The following BDH1 variants were observed in gnomAD, a reference collection of about 807,000 sequenced individuals.
BDH1 encodes 3-hydroxybutyrate dehydrogenase 1.
BDH1 carries 30 observed loss-of-function variants against 33.1 expected under a neutral mutation model. That is an observed-to-expected ratio of 0.91 (90% CI 0.68 to 1.23). The LOEUF (loss-of-function observed/expected upper bound fraction) is 1.23, where lower values mean the gene tolerates loss of function less well. BDH1 is among the 50% of genes most tolerant of loss of function. The pLI is 0.00. For synonymous variants in BDH1, 190 were observed against 183.6 expected (o/e 1.03, Z -0.28); for missense variants, 443 against 464.4 (o/e 0.95, Z 0.42).
rs146758803 is a variant in BDH1 at position 197,522,932 on chromosome 3, C to T, written c.268-151G>A. 1.4e-4 allele frequency: 115 copies of T among 820,488 alleles called. 1 individual carries two copies. Among genetic ancestry groups the T allele is most frequent in the East Asian group, 2.4e-4 (9 of 37,376 alleles). The allele number at this position is 820,488 out of a possible 1,614,324, so 50.8% of individuals were successfully genotyped here. A position where few individuals can be genotyped will look rare whatever the true frequency, so the allele number is the denominator to read the frequency against. ...CCCATGGGCCTGGCCCACCAGCATGCGGTTCTTTTTAATCCTGAGCACTGA... is the reference window on the plus strand; with the variant it reads ...CCCATGGGCCTGGCCCACCAGCATGTGGTTCTTTTTAATCCTGAGCACTGA... On this transcript the variant is annotated intron_variant, in intron 5 of 7. Coordinates refer to ENST00000392379, the MANE Select transcript of BDH1 (RefSeq NM_203314.3). The surrounding 1 kb of genome is among the most constrained non-coding windows in gnomAD (Gnocchi z 4.8).
chr3:197,544,904 C>T (rs1426997577), intron 3 of BDH1, among the ~76,000 whole-genome samples: 3 of 152,244 alleles, frequency 2.0e-5, no homozygotes, highest in Middle Eastern at 3.4e-3. Context: ...AAAAATTAGC[C>T]GGGTGTGGTG....
At position 197,539,070 on chromosome 3, in the gene BDH1, T is replaced by C. The variant is rs1266816654; in HGVS notation, c.84-5509A>G. 5 of 152,256 alleles carry C rather than the reference T, an allele frequency of 3.3e-5. No individual in the cohort carries two copies. The East Asian group carries it at 9.6e-4, about 29-fold the overall frequency. 9.4% of individuals were successfully genotyped at this position (152,256 alleles called of 1,614,324 possible). A position where few individuals can be genotyped will look rare whatever the true frequency, so the allele number is the denominator to read the frequency against. ...CTAACCTCCAAGCCGTCCTTTTTCA[T>C]TCCTGGCTGTGGGCTGAGCTAGCTT... On this transcript the variant is annotated intron_variant, in intron 3 of 7. Coordinates refer to ENST00000392379, the MANE Select transcript of BDH1 (RefSeq NM_203314.3).
intron 5 of BDH1, among the ~76,000 whole-genome samples, chr3:197,532,197 C>T (rs1027692127): frequency 1.3e-5 from 2 of 151,980 alleles, no homozygotes; most frequent in Admixed American, 6.6e-5. Flanking sequence ...TAGCATTTGA[C>T]GAATGATGGA....
chr3:197,534,304 A>G (rs1384122153), intron 3 of BDH1: 2 of 152,242 alleles, frequency 1.3e-5, no homozygotes, highest in African/African-American at 4.8e-5. Context: ...AATTTCAAGA[A>G]TGTTATGTAA....
In BDH1 at chr3:197,514,534, C is replaced by T. The variant is rs201941300; in HGVS notation, c.410-118G>A. On this transcript the variant is annotated intron_variant, in intron 6 of 7. Coordinates refer to ENST00000392379, the MANE Select transcript of BDH1 (RefSeq NM_203314.3). The surrounding 1 kb of genome is among the most constrained non-coding windows in gnomAD (Gnocchi z 4.2). The stretch of plus-strand genomic sequence containing the variant: ...TCCTGTGACTTCCCAGCCTCTCGCC[C>T]AGTGCTCTCAAGAAACTTTCTAGAG... 2.8e-4 allele frequency: 338 copies of T among 1,226,208 alleles called. 2 individuals carry two copies. In the East Asian group the frequency reaches 8.3e-3, roughly 30 times the overall value. The allele number at this position is 1,226,208 out of a possible 1,614,324, so 76.0% of individuals were successfully genotyped here.
chr3:197,540,900 C>G (rs1008809578), intron 3 of BDH1, among the ~76,000 whole-genome samples: 2 of 152,180 alleles, frequency 1.3e-5, no homozygotes, highest in South Asian at 2.1e-4. Flanking sequence ...CACCTGCCCC[C>G]CCCACAGCAA....
intron 1 of BDH1, among the ~76,000 whole-genome samples, chr3:197,572,589 G>A (rs1717646403): frequency 6.6e-6 from 1 of 152,106 alleles, no homozygotes; most frequent in African/African-American, 2.4e-5. Flanking sequence ...GTTTGGTCTG[G>A]GAACAAGGTG....
intron 3 of BDH1, among the ~76,000 whole-genome samples, chr3:197,536,951 C>A (rs1296618082): frequency 3.3e-5 from 5 of 152,162 alleles, no homozygotes; most frequent in Non-Finnish European, 7.4e-5. Context: ...TTTTGAGCAA[C>A]TACAAATGGT....
At chr3:197,545,043 A>G (rs1235421484) in intron 3 of BDH1, among the ~76,000 whole-genome samples, 1 of 152,240 alleles carries the variant, frequency 6.6e-6, no homozygotes, top group African/African-American at 2.4e-5. Context: ...GTCTAAATGC[A>G]TGTTCCATTA....
rs1350735625 is a variant in BDH1, at chr3:197,543,247, T to G, written c.83+3114A>C. ...AAATATGGCCTCACGGCAGCATCTG[T>G]GAAAAAAATTTAGCCTGTTTGACCA... On this transcript the variant is annotated intron_variant, in intron 3 of 7. Transcript: ENST00000392379. 3 of 930,082 alleles carry G rather than the reference T, an allele frequency of 3.2e-6. No individual in the cohort carries two copies. The East Asian group carries it at 3.5e-4, about 109-fold the overall frequency. The allele number at this position is 930,082 out of a possible 1,614,324, so 57.6% of individuals were successfully genotyped here.
upstream of BDH1, among the ~76,000 whole-genome samples, chr3:197,558,969 A>G (rs1020739710): frequency 2.6e-5 from 4 of 151,496 alleles, no homozygotes; most frequent in African/African-American, 9.7e-5. Flanking sequence ...CATCCACAAA[A>G]GCCTGCTTTC....
chr3:197,516,682 T>C lies in BDH1; in HGVS notation c.410-2266A>G, dbSNP rs1712766035. ...ACTCACCCTAACCACAACCAACACG[T>C]CAAGTTTCCAAGCTGCCCAAGCCTG... On this transcript the variant is annotated intron_variant, in intron 6 of 7. Coordinates refer to ENST00000392379, the MANE Select transcript of BDH1 (RefSeq NM_203314.3). This position sits in a 1 kb window ranked among gnomAD's most constrained non-coding sequence, Gnocchi z 4.2. Among the ~76,000 whole-genome samples, 1 of 151,982 alleles carries C rather than the reference T, an allele frequency of 6.6e-6. No individual in the cohort carries two copies. Among genetic ancestry groups the C allele is most frequent in the African/African-American group, 2.4e-5 (1 of 41,344 alleles).
At chr3:197,558,466 G>A (rs1717149657), upstream of BDH1, among the ~76,000 whole-genome samples, 2 of 152,032 alleles carry the variant, frequency 1.3e-5, no homozygotes, top group South Asian at 2.1e-4. Context: ...AGTAGTGACC[G>A]ACTTGATCAA....
upstream of BDH1, among the ~76,000 whole-genome samples, chr3:197,556,209 C>T (rs866144571): frequency 2.0e-5 from 3 of 152,342 alleles, no homozygotes; most frequent in Middle Eastern, 3.4e-3. Context: ...GAGCCAGGTG[C>T]GGAAAGGGTT....
At chr3:197,548,471 A>G (rs1196142467) in intron 2 of BDH1, among the ~76,000 whole-genome samples, 1 of 152,246 alleles carries the variant, frequency 6.6e-6, no homozygotes, top group Non-Finnish European at 1.5e-5. Context: ...ATGATCTCCA[A>G]ATAGACAGCT....
At chr3:197,553,670 A>C (rs908061640) in intron 2 of BDH1, among the ~76,000 whole-genome samples, 1 of 152,222 alleles carries the variant, frequency 6.6e-6, no homozygotes, top group Non-Finnish European at 1.5e-5. Flanking sequence ...GATCTGTGGC[A>C]GTAATCCAGG....
upstream of BDH1, among the ~76,000 whole-genome samples, chr3:197,558,122 T>A (rs1463179981): frequency 6.6e-6 from 1 of 152,250 alleles, no homozygotes; most frequent in South Asian, 2.1e-4. Context: ...TTGACCTTTC[T>A]GAGGTTGTAT....
At chr3:197,529,297 T>C (rs1714430820) in intron 5 of BDH1, 1 of 152,282 alleles carries the variant, frequency 6.6e-6, no homozygotes, top group African/African-American at 2.4e-5. Context: ...GCTTTGTTAA[T>C]ACCGGTTGAG....
At position 197,563,193 on chromosome 3, in the gene BDH1, G is replaced by C. The variant is rs142835455; in HGVS notation, c.-44+9988C>G. Among the ~76,000 whole-genome samples the C allele has an allele frequency of 2.6e-5, 4 of 152,298 alleles. No individual in the cohort carries two copies. In the East Asian group the frequency reaches 7.7e-4, roughly 29 times the overall value. On this transcript the variant is annotated intron_variant, in intron 1 of 6. Transcript: ENST00000358186. ...TTATGATAGATGTCTATAATTTTATGTCCAATTGTTAATTAAATTCATTTT... is the reference window on the plus strand; with the variant it reads ...TTATGATAGATGTCTATAATTTTATCTCCAATTGTTAATTAAATTCATTTT...
Sources: allele counts gnomAD v4.1 joint callset (sites outside exome capture counted in the v4.1 genomes callset), GRCh38; gene constraint gnomAD v4.1.1; non-coding constraint Gnocchi (gnomAD v3.1); transcripts MANE v1.5; gene names NCBI Gene and HGNC (gene_info 2026-07-23, HGNC 2026-07-21).